ACBD6: variants seen among roughly 807,000 people sequenced by gnomAD.
The protein encoded by ACBD6 is acyl-CoA binding domain containing 6.
A neutral mutation model predicts 37.2 loss-of-function variants in ACBD6; 28 were observed. The observed-to-expected ratio is 0.75, with a 90% CI of 0.56 to 1.03. The LOEUF is 1.03. ACBD6 is among the 50% of genes least tolerant of loss of function. ACBD6 has a pLI of 0.00. For missense variants in ACBD6, 340 were observed against 337.4 expected (o/e 1.01, Z -0.06); for synonymous variants, 113 against 126.8 (o/e 0.89, Z 0.73).
intron 6 of ACBD6, among the ~76,000 whole-genome samples, chr1:180,368,150 C>CT (rs935205676): frequency 2.0e-5 from 3 of 151,904 alleles, no homozygotes; most frequent in Non-Finnish European, 4.4e-5. Context: ...TGATATTGAC[C>CT]TTTTTTTTCA....
intron 1 of ACBD6, among the ~76,000 whole-genome samples, chr1:180,500,652 C>A (rs1223791559): frequency 6.7e-6 from 1 of 150,006 alleles, no homozygotes; most frequent in Non-Finnish European, 1.5e-5. Context: ...TAAGATCCAG[C>A]CACTGCACTC....
chr1:180,487,071 T>A lies in ACBD6; in HGVS notation c.384+5198A>T, dbSNP rs558371057. Among the ~76,000 whole-genome samples, 8 of 151,774 alleles carry A rather than the reference T, an allele frequency of 5.3e-5. No individual in the cohort carries two copies. In the South Asian group the frequency reaches 1.8e-3, roughly 34 times the overall value. Reference sequence around the variant, plus strand: ...TCCATTAGAGGAGACTAAAGATACATGACAACTAAATACGATGCATGACCC... The same window carrying A: ...TCCATTAGAGGAGACTAAAGATACAAGACAACTAAATACGATGCATGACCC... On this transcript the variant is annotated intron_variant, in intron 3 of 7. Transcript: ENST00000367595.
At chr1:180,328,644 G>A (rs1352085887) in intron 6 of ACBD6, among the ~76,000 whole-genome samples, 1 of 152,070 alleles carries the variant, frequency 6.6e-6, no homozygotes, top group African/African-American at 2.4e-5. Context: ...TGTATGATAA[G>A]TGAGGCACTC....
At chr1:180,315,495 T>C (rs1650762289) in intron 6 of ACBD6, among the ~76,000 whole-genome samples, 1 of 152,230 alleles carries the variant, frequency 6.6e-6, no homozygotes, top group Non-Finnish European at 1.5e-5. Flanking sequence ...GTAATATGCA[T>C]GGCCGTCATG....
At position 180,324,073 on chromosome 1, in the gene ACBD6, G is replaced by A. The variant is rs1203950174; in HGVS notation, c.664-9351C>T. On this transcript the variant is annotated intron_variant, in intron 6 of 7. Coordinates refer to ENST00000367595, the MANE Select transcript of ACBD6 (RefSeq NM_032360.4). Reference sequence around the variant, plus strand: ...TTTTTGTATTTTTAGTAGAGACGGGGTTTCACCTTGTTAGCCAGGATGGTC... The same window carrying A: ...TTTTTGTATTTTTAGTAGAGACGGGATTTCACCTTGTTAGCCAGGATGGTC... 7.0e-4 allele frequency among the ~76,000 whole-genome samples: 2 copies of A among 2,848 alleles called. 1 individual carries two copies. Among genetic ancestry groups the A allele is most frequent in the Admixed American group, 6.2e-3 (2 of 324 alleles). 1.9% of individuals were successfully genotyped at this position (2,848 alleles called of 152,430 possible).
chr1:180,291,010 C>A (rs1240508000), intron 7 of ACBD6, among the ~76,000 whole-genome samples: 1 of 152,160 alleles, frequency 6.6e-6, no homozygotes, highest in African/African-American at 2.4e-5. Flanking sequence ...AATCATATAG[C>A]ATAGTCTTTT....
downstream of ACBD6, among the ~76,000 whole-genome samples, chr1:180,284,346 C>A (rs774811631): frequency 6.6e-6 from 1 of 150,714 alleles, no homozygotes; most frequent in Non-Finnish European, 1.5e-5. Context: ...CACATGATTA[C>A]GAAAGATGGT....
At chr1:180,490,761 G>A (rs1173495411) in intron 3 of ACBD6, among the ~76,000 whole-genome samples, 3 of 149,940 alleles carry the variant, frequency 2.0e-5, no homozygotes, top group African/African-American at 7.4e-5. Context: ...ACTCCAGCCT[G>A]GGCGACAGAG....
At chr1:180,487,965 C>T (rs12065388) in intron 3 of ACBD6, among the ~76,000 whole-genome samples, 16,114 of 152,056 alleles carry the variant, frequency 0.11, 1,232 homozygotes, top group African/African-American at 0.21. Context: ...GGTCTTGGAA[C>T]GTATCCCCTG....
At chr1:180,492,391 C>A in intron 2 of ACBD6, 26 bp from the exon 3 acceptor site, 1 of 1,569,338 alleles carries the variant, frequency 6.4e-7, no homozygotes, top group South Asian at 1.1e-5. Flanking sequence ...TCCAAAATGG[C>A]CTGTCATTAT....
intron 3 of ACBD6, among the ~76,000 whole-genome samples, chr1:180,448,387 A>C (rs1227140189): frequency 6.6e-6 from 1 of 152,192 alleles, no homozygotes; most frequent in African/African-American, 2.4e-5. Context: ...TTAAGACAGA[A>C]ACATAGGTCA....
At chr1:180,428,637 A>G (rs115009568) in intron 4 of ACBD6, among the ~76,000 whole-genome samples, 401 of 152,342 alleles carry the variant, frequency 2.6e-3, no homozygotes, top group African/African-American at 9.4e-3. Flanking sequence ...CAGTCACGTC[A>G]TCAGACATTT....
intron 4 of ACBD6, among the ~76,000 whole-genome samples, chr1:180,419,949 T>G (rs925908399): frequency 6.6e-6 from 1 of 152,208 alleles, no homozygotes; most frequent in African/African-American, 2.4e-5. Flanking sequence ...AAAGTTTTTA[T>G]ACAGTACCAA....
intron 6 of ACBD6, among the ~76,000 whole-genome samples, chr1:180,392,230 G>C (rs987635752): frequency 6.7e-6 from 1 of 150,330 alleles, no homozygotes; most frequent in African/African-American, 2.4e-5. Context: ...TGAAATAGGT[G>C]GTAGTTACAC....
intron 3 of ACBD6, among the ~76,000 whole-genome samples, chr1:180,453,370 T>A (rs539732771): frequency 1.3e-5 from 2 of 152,166 alleles, no homozygotes; most frequent in South Asian, 4.1e-4. Context: ...AAACTCTCAA[T>A]AAACTAGGTA....
At chr1:180,376,287 A>G (rs922657088) in intron 6 of ACBD6, among the ~76,000 whole-genome samples, 1 of 152,178 alleles carries the variant, frequency 6.6e-6, no homozygotes, top group Admixed American at 6.5e-5. Context: ...ACAAAATACT[A>G]CATATGCACC....
intron 6 of ACBD6, among the ~76,000 whole-genome samples, chr1:180,321,091 G>T (rs772440012): frequency 1.4e-4 from 21 of 152,090 alleles, no homozygotes; most frequent in Non-Finnish European, 2.6e-4. Flanking sequence ...GTTGAAAAAG[G>T]GTTCACTATA....
intron 6 of ACBD6, among the ~76,000 whole-genome samples, chr1:180,387,694 G>A (rs956534206): frequency 4.6e-5 from 7 of 151,004 alleles, no homozygotes; most frequent in African/African-American, 7.3e-5. Flanking sequence ...GCAAGGGGGT[G>A]GCATATTCTT....
chr1:180,402,169 T>C (rs115551481), intron 5 of ACBD6, among the ~76,000 whole-genome samples: 177 of 152,262 alleles, frequency 1.2e-3, no homozygotes, highest in African/African-American at 4.0e-3. Context: ...CTGCTACTAC[T>C]GTAGCAGCTG....
Sources: gnomAD v4.1 joint callset for allele counts (sites outside exome capture counted in the v4.1 genomes callset) on GRCh38, gnomAD v4.1.1 for gene constraint, MANE v1.5 for transcripts, NCBI Gene and HGNC (gene_info 2026-07-23, HGNC 2026-07-21) for gene names.